EPB41L2: variants seen among roughly 807,000 people sequenced by gnomAD.
EPB41L2 encodes erythrocyte membrane protein band 4.1 like 2.
Under a neutral mutation model 113.0 loss-of-function variants are expected in EPB41L2, and 43 were observed. The observed-to-expected ratio is 0.38, with a 90% CI of 0.30 to 0.49. EPB41L2 has a LOEUF of 0.49. Ranked by LOEUF, EPB41L2 falls within the 20% of genes least tolerant of loss-of-function variation. The pLI is 0.95. For synonymous variants in EPB41L2, 442 were observed against 436.7 expected (o/e 1.01, Z -0.15); for missense variants, 1,147 against 1,223.4 (o/e 0.94, Z 0.93).
chr6:131,054,320 C>T (rs1221741692), intron 1 of EPB41L2, among the ~76,000 whole-genome samples: 2 of 138,816 alleles, frequency 1.4e-5, no homozygotes, highest in African/African-American at 4.9e-5. Flanking sequence ...CCCTATAGGA[C>T]CCTGTCTCTA....
At chr6:130,949,474 A>T (rs1046316817) in intron 3 of EPB41L2, among the ~76,000 whole-genome samples, 1 of 152,104 alleles carries the variant, frequency 6.6e-6, no homozygotes, top group Non-Finnish European at 1.5e-5. Flanking sequence ...ATGGTGGCAT[A>T]TATCTGTAGC....
At chr6:130,851,870 T>C (rs1276608965) in intron 19 of EPB41L2, among the ~76,000 whole-genome samples, 1 of 152,232 alleles carries the variant, frequency 6.6e-6, no homozygotes, top group African/African-American at 2.4e-5. Flanking sequence ...TCCTTCTTTA[T>C]GGCCTCTGTT....
chr6:131,034,636 A>C (rs967260688), intron 1 of EPB41L2, among the ~76,000 whole-genome samples: 2 of 152,190 alleles, frequency 1.3e-5, no homozygotes, highest in Non-Finnish European at 2.9e-5. Context: ...TTATCCCTAG[A>C]CTGGTGCTCT....
chr6:131,040,939 A>G (rs992410638), intron 1 of EPB41L2, among the ~76,000 whole-genome samples: 6 of 152,202 alleles, frequency 3.9e-5, no homozygotes, highest in African/African-American at 1.2e-4. Context: ...ATTCTCCAAG[A>G]CCTGTAACAT....
At chr6:131,031,212 C>G (rs1421340112) in intron 1 of EPB41L2, among the ~76,000 whole-genome samples, 2 of 152,086 alleles carry the variant, frequency 1.3e-5, no homozygotes, top group Admixed American at 1.3e-4. Flanking sequence ...AAGTATTCAA[C>G]TTAAAAGCAA....
chr6:130,880,424 G>A, intron 12 of EPB41L2: 1 of 633,332 alleles, frequency 1.6e-6, no homozygotes. Flanking sequence ...GCAGTCATGA[G>A]ATGTTTAACT....
At chr6:130,941,182 T>C (rs1363700682) in intron 3 of EPB41L2, among the ~76,000 whole-genome samples, 1 of 152,184 alleles carries the variant, frequency 6.6e-6, no homozygotes, top group East Asian at 1.9e-4. Flanking sequence ...AACTTCTCAT[T>C]TTTCTTAAAA....
At chr6:130,924,329 G>A (rs1224961216) in intron 4 of EPB41L2, among the ~76,000 whole-genome samples, 1 of 151,800 alleles carries the variant, frequency 6.6e-6, no homozygotes, top group African/African-American at 2.4e-5. Flanking sequence ...TCAAGACCTT[G>A]CTTTCAATTA....
intron 3 of EPB41L2, among the ~76,000 whole-genome samples, chr6:130,941,136 G>A (rs1174658200): frequency 6.6e-6 from 1 of 152,092 alleles, no homozygotes; most frequent in Non-Finnish European, 1.5e-5. Flanking sequence ...ATTTTGAGAG[G>A]AAATTTGTAA....
chr6:130,898,401 C>G (rs1020768089), intron 8 of EPB41L2, among the ~76,000 whole-genome samples: 5 of 152,060 alleles, frequency 3.3e-5, no homozygotes, highest in Admixed American at 1.3e-4. Flanking sequence ...ATCTGGGCTT[C>G]TAAACAACAT....
chr6:130,939,989 T>C (rs944393104), intron 3 of EPB41L2, among the ~76,000 whole-genome samples: 1 of 151,122 alleles, frequency 6.6e-6, no homozygotes, highest in Non-Finnish European at 1.5e-5. Context: ...TGTTACTGTG[T>C]ACATATGCAC....
At chr6:131,012,198 C>G (rs1787176023) in intron 1 of EPB41L2, among the ~76,000 whole-genome samples, 2 of 151,370 alleles carry the variant, frequency 1.3e-5, no homozygotes, top group Non-Finnish European at 2.9e-5. Flanking sequence ...GAGGGAGACT[C>G]TAGATGGGGG....
chr6:131,043,360 G>A (rs1794803443), intron 1 of EPB41L2, among the ~76,000 whole-genome samples: 2 of 151,840 alleles, frequency 1.3e-5, no homozygotes, highest in African/African-American at 2.4e-5. Flanking sequence ...TTAGTATTTA[G>A]GTATACTCTT....
intron 1 of EPB41L2, among the ~76,000 whole-genome samples, chr6:131,018,582 G>C (rs1788761495): frequency 6.6e-6 from 1 of 152,018 alleles, no homozygotes; most frequent in Admixed American, 6.6e-5. Flanking sequence ...TTTTCTTTAT[G>C]ATGTTCTGTG....
intron 19 of EPB41L2, among the ~76,000 whole-genome samples, chr6:130,853,561 T>C (rs928007090): frequency 6.6e-6 from 1 of 152,098 alleles, no homozygotes; most frequent in African/African-American, 2.4e-5. Context: ...TCATCTGAAG[T>C]GTGTTTTCTT....
intron 3 of EPB41L2, among the ~76,000 whole-genome samples, chr6:130,927,816 G>C (rs2128555033): frequency 6.6e-6 from 1 of 152,328 alleles, no homozygotes; most frequent in South Asian, 2.1e-4. Context: ...TGTAAGGCCT[G>C]GCATGGTAGC....
intron 1 of EPB41L2, among the ~76,000 whole-genome samples, chr6:130,965,093 A>C (rs1774709321): frequency 6.6e-6 from 1 of 152,202 alleles, no homozygotes; most frequent in Non-Finnish European, 1.5e-5. Flanking sequence ...CATGAATTTT[A>C]GTGACCATCA....
intron 3 of EPB41L2, among the ~76,000 whole-genome samples, chr6:130,954,036 C>CTTTTTTT (rs1816328530): frequency 2.2e-4 from 10 of 45,516 alleles, no homozygotes; most frequent in African/African-American, 4.7e-4. Context: ...TAGTCCTTTT[C>CTTTTTTT]TTTCTTTTTT....
rs34082234 is a variant in EPB41L2 at position 130,951,312 on chromosome 6, C to CTTT, written c.705+3790_705+3792dup. Among the ~76,000 whole-genome samples the CTTT allele has an allele frequency of 8.7e-4, 44 of 50,850 alleles. 3 individuals are homozygous for CTTT. Among genetic ancestry groups the CTTT allele is most frequent in the African/African-American group, 1.9e-3 (14 of 7,518 alleles). 33.4% of individuals were successfully genotyped at this position (50,850 alleles called of 152,430 possible). Reference sequence around the variant, plus strand: ...AGAAAAAAGATGCTCAGCCTCAGTACTTTTTTTTTTTTTTTTTTTTTTTTT... The same window carrying CTTT: ...AGAAAAAAGATGCTCAGCCTCAGTACTTTTTTTTTTTTTTTTTTTTTTTTTTTT... On this transcript the variant is annotated intron_variant, in intron 3 of 19. Transcript: ENST00000337057.
Sources: gnomAD v4.1 joint callset for allele counts (sites outside exome capture counted in the v4.1 genomes callset) on GRCh38, gnomAD v4.1.1 for gene constraint, MANE v1.5 for transcripts, NCBI Gene and HGNC (gene_info 2026-07-23, HGNC 2026-07-21) for gene names.